ATR: variants seen among roughly 807,000 people sequenced by gnomAD.
The protein encoded by ATR is ATR checkpoint kinase.
ATR carries 142 observed loss-of-function variants against 305.3 expected under a neutral mutation model. The observed-to-expected ratio is 0.47, with a 90% confidence interval of 0.41 to 0.53. The LOEUF is 0.53. Among genes scored for constraint, ATR ranks in the 20% least tolerant of loss-of-function variants. The probability of loss-of-function intolerance (pLI) is 0.00; values close to 1 mark genes in which losing one functional copy is unlikely to be tolerated. For synonymous variants in ATR, 1,050 were observed against 1,068.1 expected (o/e 0.98, Z 0.33); for missense variants, 2,135 against 3,133.1 (o/e 0.68, Z 7.60).
chr3:142,470,000 A>G (rs1365151979), intron 37 of ATR, 86 bp downstream of exon 37: 1 of 1,012,644 alleles, frequency 9.9e-7, no homozygotes. Flanking sequence ...CCAAGCTTCT[A>G]GGAAATTAGA....
intron 34 of ATR, among the ~76,000 whole-genome samples, chr3:142,493,778 G>A (rs1336923621): frequency 6.6e-6 from 1 of 151,964 alleles, no homozygotes; most frequent in Non-Finnish European, 1.5e-5. Flanking sequence ...TGAGGGGGAA[G>A]GATCGCTTGA....
In ATR at chr3:142,458,942, A is replaced by C. The variant is rs761042012; in HGVS notation, c.7503+16T>G. On this transcript the variant is annotated intron_variant, in intron 44 of 46. Coordinates refer to ENST00000350721, the MANE Select transcript of ATR (RefSeq NM_001184.4). ...GAGAGAAAACACAATTAGTAAGAGTAACTCATATCACATACCTTATTGAAA... is the reference window on the plus strand; with the variant it reads ...GAGAGAAAACACAATTAGTAAGAGTCACTCATATCACATACCTTATTGAAA... 1 of 1,612,094 alleles carries C rather than the reference A, an allele frequency of 6.2e-7. No individual in the cohort carries two copies. The highest frequency in any genetic ancestry group is 8.5e-7 in the Non-Finnish European group (1 of 1,178,344).
rs2108424165 is a variant in ATR at position 142,535,075 on chromosome 3, C to G, written c.3945+5G>C. 1 of 1,609,762 alleles carries G rather than the reference C, an allele frequency of 6.2e-7. No individual in the cohort carries two copies. Among genetic ancestry groups the G allele is most frequent in the Non-Finnish European group, 8.5e-7 (1 of 1,176,792 alleles). On this transcript the variant is annotated splice_donor_5th_base_variant and intron_variant, in intron 21 of 46. Coordinates refer to ENST00000350721, the MANE Select transcript of ATR (RefSeq NM_001184.4). ...TACATTTTTAATTATATCATATTAG[C>G]ATACCTGATTTTTATACAAGGTTTC...
intron 24 of ATR, among the ~76,000 whole-genome samples, chr3:142,518,605 A>G (rs899460070): frequency 6.6e-6 from 1 of 152,242 alleles, no homozygotes; most frequent in African/African-American, 2.4e-5. Flanking sequence ...AATGCTAGTC[A>G]TAAGACATAA....
chr3:142,532,948 C>T (rs2033718207), intron 21 of ATR, among the ~76,000 whole-genome samples: 1 of 152,142 alleles, frequency 6.6e-6, no homozygotes, highest in South Asian at 2.1e-4. Context: ...GTAGGTTCAA[C>T]CAACTTGTAG....
rs1176596525 is a variant in ATR, at chr3:142,553,630, C to G, written c.2633+10G>C. ...TAAATAAGGAAGAACACAAATGCTG[C>G]CAAGTATACCTTCCAATATCCCCTG... On this transcript the variant is annotated intron_variant, in intron 12 of 46. Transcript: ENST00000350721. 2.5e-6 allele frequency: 4 copies of G among 1,588,370 alleles called. No individual in the cohort carries two copies. The highest frequency in any genetic ancestry group is 3.4e-6 in the Non-Finnish European group (4 of 1,159,852).
rs767276068 is a variant in ATR at position 142,549,600 on chromosome 3, A to C, written c.3050T>G (p.Leu1017Ter). Reference protein sequence around the residue: ...SPAASALIRTLGKQLNVNRRE... With the variant: ...SPAASALIRT ...ACGATTGACATTTAATTGTTTTCCT[A>C]AAGTTCGAATGAGAGCAGAAGCTGC... The change falls in exon 15 of 47, where the codon TTA (leucine) becomes TGA (stop). Residue 1017 changes from leucine to a stop codon, truncating the protein, a stop_gained. Coordinates refer to ENST00000350721, the MANE Select transcript of ATR (RefSeq NM_001184.4). LOFTEE classifies it high-confidence loss of function. 6 of 1,613,460 alleles carry C rather than the reference A, an allele frequency of 3.7e-6. No individual in the cohort carries two copies. The highest frequency in any genetic ancestry group is 5.1e-6 in the Non-Finnish European group (6 of 1,179,700).
intron 3 of ATR, among the ~76,000 whole-genome samples, chr3:142,565,797 C>T (rs2035051876): frequency 8.8e-6 from 1 of 113,450 alleles, no homozygotes. Context: ...TTCACAAAAA[C>T]AGGCAGCCAC....
rs1231297108 is a variant in ATR, at chr3:142,524,119, A to G, written c.4026T>C (p.Gly1342=). The change falls in exon 22 of 47, where the codon GGT becomes GGC. Residue 1342 remains glycine (G), a synonymous_variant. Transcript: ENST00000350721. ...GAGCTTGAGAGTTTGCATCTTGGCA[A>G]CCTTTCAAAAGCACTGTCACCAACT... ...ISQLVTVLLK[G]CQDANSQARL... 1 of 1,614,058 alleles carries G rather than the reference A, an allele frequency of 6.2e-7. No homozygotes were observed. Among genetic ancestry groups the G allele is most frequent in the East Asian group, 2.2e-5 (1 of 44,864 alleles).
At chr3:142,451,717 C>T in intron 46 of ATR, 1 of 1,178,964 alleles carries the variant, frequency 8.5e-7, no homozygotes. Context: ...GTAGCTGGGA[C>T]TACAGGAGTG....
chr3:142,486,707 G>T (rs1486596793), intron 35 of ATR, among the ~76,000 whole-genome samples: 1 of 151,806 alleles, frequency 6.6e-6, no homozygotes, highest in Non-Finnish European at 1.5e-5. Context: ...AAACATATAT[G>T]AATCTTATGT....
At position 142,527,420 on chromosome 3, in the gene ATR, T is replaced by C. The variant is rs1239068463; in HGVS notation, c.3946-3221A>G. ...AGAAACTAATCTTTTAAGCTTTCTA[T>C]TTCAGCTAGAGTTCATTTTGATACA... On this transcript the variant is annotated intron_variant, in intron 21 of 46. Coordinates refer to ENST00000350721, the MANE Select transcript of ATR (RefSeq NM_001184.4). 2.0e-5 allele frequency among the ~76,000 whole-genome samples: 3 copies of C among 152,148 alleles called. No homozygotes were observed. In the East Asian group the frequency reaches 5.8e-4, roughly 29 times the overall value.
intron 8 of ATR, among the ~76,000 whole-genome samples, chr3:142,556,780 C>T (rs956318260): frequency 7.9e-5 from 12 of 152,246 alleles, no homozygotes; most frequent in African/African-American, 4.8e-5. Context: ...GGTCTATACA[C>T]AACCTTACTA....
chr3:142,546,814 T>C (rs2034283513), intron 16 of ATR, among the ~76,000 whole-genome samples: 1 of 152,158 alleles, frequency 6.6e-6, no homozygotes, highest in Non-Finnish European at 1.5e-5. Context: ...TGAGATTTAA[T>C]AGCCCAGAAG....
At chr3:142,503,231 G>A in intron 30 of ATR, 131 bp downstream of exon 30, 1 of 644,028 alleles carries the variant, frequency 1.6e-6, no homozygotes, top group South Asian at 2.2e-5. Flanking sequence ...AAATGTTGGT[G>A]CTTATCTCCA....
chr3:142,578,028 T>C (rs1577730519), intron 1 of ATR, among the ~76,000 whole-genome samples: 1 of 151,918 alleles, frequency 6.6e-6, no homozygotes, highest in African/African-American at 2.4e-5. Context: ...CCCAGGGGTC[T>C]ATCTCTCCAA....
intron 35 of ATR, among the ~76,000 whole-genome samples, chr3:142,492,342 C>A (rs894697560): frequency 5.9e-5 from 9 of 152,146 alleles, no homozygotes; most frequent in African/African-American, 2.2e-4. Flanking sequence ...GTTCTTATAG[C>A]CTCTGCATGT....
At chr3:142,484,312 T>C (rs981624336) in intron 36 of ATR, among the ~76,000 whole-genome samples, 1 of 152,220 alleles carries the variant, frequency 6.6e-6, no homozygotes, top group Non-Finnish European at 1.5e-5. Context: ...CTCACATTTC[T>C]ACATGGTTGT....
At chr3:142,499,747 C>T (rs756542915) in intron 30 of ATR, 29 bp from the exon 31 acceptor site, 8 of 1,587,300 alleles carry the variant, frequency 5.0e-6, no homozygotes, top group African/African-American at 1.3e-5. Flanking sequence ...ATCAACTAAA[C>T]TTTAATTTAT....
Sources: gnomAD v4.1 joint callset for allele counts (sites outside exome capture counted in the v4.1 genomes callset) on GRCh38, gnomAD v4.1.1 for gene constraint, MANE v1.5 for transcripts, NCBI Gene and HGNC (gene_info 2026-07-23, HGNC 2026-07-21) for gene names.